The following ROBO1 variants were observed in gnomAD, a reference collection of about 807,000 sequenced individuals.
ROBO1 encodes roundabout guidance receptor 1.
Under a neutral mutation model 195.9 loss-of-function variants are expected in ROBO1, and 149 were observed. The ratio of observed to expected loss-of-function variants is 0.76; its 90% CI spans 0.67 to 0.87. ROBO1 has a LOEUF of 0.87. Among genes scored for constraint, ROBO1 ranks in the 40% least tolerant of loss-of-function variants. The pLI is 0.00. For missense variants in ROBO1, 1,933 were observed against 2,068.3 expected (o/e 0.93, Z 1.27); for synonymous variants, 816 against 733.2 (o/e 1.11, Z -1.82).
intron 4 of ROBO1, among the ~76,000 whole-genome samples, chr3:78,846,176 G>A (rs1005195029): frequency 7.9e-5 from 12 of 152,032 alleles, no homozygotes; most frequent in Non-Finnish European, 1.0e-4. Flanking sequence ...ACTGCAACAT[G>A]GAGTTTTAGT....
At chr3:79,733,512 C>A (rs1200831098) in intron 1 of ROBO1, among the ~76,000 whole-genome samples, 1 of 152,194 alleles carries the variant, frequency 6.6e-6, no homozygotes, top group African/African-American at 2.4e-5. Flanking sequence ...CCAGACCCCA[C>A]TCACCCATGT....
At chr3:78,681,658 A>T (rs1470581096) in intron 10 of ROBO1, among the ~76,000 whole-genome samples, 1 of 152,108 alleles carries the variant, frequency 6.6e-6, no homozygotes, top group African/African-American at 2.4e-5. Flanking sequence ...TAATCCCAGC[A>T]CTTTGGGAGG....
chr3:79,419,620 G>T (rs1478900698), intron 2 of ROBO1, among the ~76,000 whole-genome samples: 8 of 152,044 alleles, frequency 5.3e-5, no homozygotes, highest in Non-Finnish European at 1.2e-4. Context: ...TGCTATGAGA[G>T]GGTTTGGGCC....
chr3:79,505,616 T>C (rs1283176064), intron 2 of ROBO1, among the ~76,000 whole-genome samples: 1 of 152,174 alleles, frequency 6.6e-6, no homozygotes, highest in Non-Finnish European at 1.5e-5. Context: ...AGGGAAAGCT[T>C]ACAATACTTT....
At chr3:79,242,916 T>C (rs1359362523) in intron 2 of ROBO1, among the ~76,000 whole-genome samples, 4 of 152,008 alleles carry the variant, frequency 2.6e-5, no homozygotes, top group African/African-American at 7.2e-5. Context: ...TGTGCCATGT[T>C]GGTGTGCTGC....
At chr3:79,733,045 T>G (rs1251613017) in intron 1 of ROBO1, among the ~76,000 whole-genome samples, 2 of 152,212 alleles carry the variant, frequency 1.3e-5, no homozygotes. Flanking sequence ...AGATTTCCTA[T>G]TCTATGAATT....
intron 1 of ROBO1, among the ~76,000 whole-genome samples, chr3:79,662,278 A>G (rs1193971279): frequency 6.6e-6 from 1 of 152,064 alleles, no homozygotes; most frequent in Non-Finnish European, 1.5e-5. Context: ...GAGATCTCCA[A>G]TGTTTTTCCT....
intron 2 of ROBO1, among the ~76,000 whole-genome samples, chr3:79,589,472 A>G (rs550307242): frequency 1.3e-5 from 2 of 151,832 alleles, no homozygotes; most frequent in Admixed American, 6.6e-5. Flanking sequence ...TGGTACCGAC[A>G]TGCACTGTGG....
At chr3:79,323,248 A>C (rs2034066321) in intron 2 of ROBO1, among the ~76,000 whole-genome samples, 1 of 151,890 alleles carries the variant, frequency 6.6e-6, no homozygotes, top group Non-Finnish European at 1.5e-5. Context: ...CGTCTGGCTA[A>C]TTTTTGTATT....
chr3:79,224,248 T>G (rs2082188396), intron 2 of ROBO1, among the ~76,000 whole-genome samples: 1 of 152,178 alleles, frequency 6.6e-6, no homozygotes, highest in South Asian at 2.1e-4. Flanking sequence ...TCAAACAAAA[T>G]CTTTACTTTC....
intron 1 of ROBO1, among the ~76,000 whole-genome samples, chr3:79,674,530 T>C (rs9844759): frequency 0.037 from 5,587 of 152,018 alleles, 359 homozygotes; most frequent in African/African-American, 0.13. Flanking sequence ...TTTACAGTAT[T>C]ATTTAATATG....
chr3:79,072,559 C>T (rs2079106941), intron 3 of ROBO1, among the ~76,000 whole-genome samples: 1 of 151,884 alleles, frequency 6.6e-6, no homozygotes, highest in Admixed American at 6.6e-5. Flanking sequence ...ATGAGTTAGA[C>T]TATGTCATTC....
At chr3:79,664,487 C>T (rs977989785) in intron 1 of ROBO1, among the ~76,000 whole-genome samples, 1 of 152,124 alleles carries the variant, frequency 6.6e-6, no homozygotes, top group Middle Eastern at 3.4e-3. Flanking sequence ...TACATCTTCC[C>T]CTCCTAACTT....
intron 3 of ROBO1, among the ~76,000 whole-genome samples, chr3:79,032,854 A>G (rs2078320508): frequency 6.6e-6 from 1 of 152,168 alleles, no homozygotes; most frequent in Middle Eastern, 3.4e-3. Flanking sequence ...TCCCTCCCCT[A>G]TGAAATGTTT....
intron 3 of ROBO1, among the ~76,000 whole-genome samples, chr3:79,008,022 C>T (rs933197575): frequency 6.6e-5 from 10 of 152,174 alleles, no homozygotes; most frequent in Non-Finnish European, 1.2e-4. Context: ...CACTCCTAAA[C>T]GCACCTCTCA....
chr3:78,779,656 G>A (rs962473763), intron 4 of ROBO1, among the ~76,000 whole-genome samples: 14 of 152,276 alleles, frequency 9.2e-5, no homozygotes, highest in Non-Finnish European at 1.5e-5. Flanking sequence ...TACACTGTTG[G>A]TGGGAGTGTC....
intron 4 of ROBO1, among the ~76,000 whole-genome samples, chr3:78,908,113 T>C (rs1196172179): frequency 6.6e-6 from 1 of 150,560 alleles, no homozygotes; most frequent in Non-Finnish European, 1.5e-5. Flanking sequence ...CTGGCCTGCA[T>C]CAACTAAAGA....
At chr3:78,780,894 T>C (rs1031928134) in intron 4 of ROBO1, among the ~76,000 whole-genome samples, 3 of 152,162 alleles carry the variant, frequency 2.0e-5, no homozygotes, top group Admixed American at 1.3e-4. Context: ...CTTCTTTTTA[T>C]GTGGAATATT....
intron 3 of ROBO1, among the ~76,000 whole-genome samples, chr3:78,949,987 C>T (rs1306709817): frequency 1.3e-5 from 2 of 152,154 alleles, no homozygotes. Flanking sequence ...GTTAGAATGG[C>T]AATCATTAAA....
Sources: gnomAD v4.1 joint callset for allele counts (sites outside exome capture counted in the v4.1 genomes callset) on GRCh38, gnomAD v4.1.1 for gene constraint, MANE v1.5 for transcripts, NCBI Gene and HGNC (gene_info 2026-07-23, HGNC 2026-07-21) for gene names.